The following AFM variants were observed in gnomAD, a reference collection of about 807,000 sequenced individuals.
The protein encoded by AFM is alpha-Alb.
A neutral mutation model predicts 68.7 loss-of-function variants in AFM; 82 were observed. The ratio of observed to expected loss-of-function variants is 1.19; its 90% CI spans 1.00 to 1.43. AFM has a LOEUF of 1.43. AFM is among the 40% of genes most tolerant of loss of function. The pLI is 0.00. For missense variants in AFM, 772 were observed against 701.8 expected, an observed-to-expected ratio of 1.10 and a Z score of -1.13; for synonymous variants, 250 against 234.2, an observed-to-expected ratio of 1.07 and a Z score of -0.61.
chr4:73,489,064 A>T (rs373689939), intron 7 of AFM, among the ~76,000 whole-genome samples: 2 of 152,188 alleles, frequency 1.3e-5, no homozygotes, highest in African/African-American at 4.8e-5. Context: ...TTTCTCTTAC[A>T]TTATAAATCC....
chr4:73,493,420 T>A lies in AFM; in HGVS notation c.1058+1334T>A, dbSNP rs149688046. Among the ~76,000 whole-genome samples, 99 of 152,290 alleles carry A rather than the reference T, an allele frequency of 6.5e-4. 1 individual carries two copies. Among genetic ancestry groups the A allele is most frequent in the Non-Finnish European group, 8.8e-5 (6 of 68,020 alleles). On this transcript the variant is annotated intron_variant, in intron 8 of 14. Transcript: ENST00000226355. ...ATGTTTAAGTATGAGCACATTGACT[T>A]TGAGGTACCAGTAGAATAACTAATT...
chr4:73,486,220 G>A (rs1202733905), intron 4 of AFM, 147 bp downstream of exon 4: 1 of 738,690 alleles, frequency 1.4e-6, no homozygotes, highest in Non-Finnish European at 2.2e-6. Flanking sequence ...GTCAGATACT[G>A]TGCTCAGTGT....
At position 73,486,917 on chromosome 4, in the gene AFM, C is replaced by G. The variant is rs773988445; in HGVS notation, c.483-50C>G. ...CTTCCCTTGTCTACATTCATTGCTT[C>G]CTGTTTCTTCCCTCACCCGTCTTCT... On this transcript the variant is annotated intron_variant, in intron 4 of 14. Coordinates refer to ENST00000226355, the MANE Select transcript of AFM (RefSeq NM_001133.2). 4.5e-6 allele frequency: 7 copies of G among 1,568,092 alleles called. No homozygotes were observed. The African/African-American group carries it at 9.5e-5, about 21-fold the overall frequency.
At position 73,501,817 on chromosome 4, in the gene AFM, T is replaced by C. The variant is rs745682564; in HGVS notation, c.1677T>C (p.His559=). Residue 559 remains histidine, a synonymous_variant, in exon 13 of 15, where the codon CAT becomes CAC. Transcript: ENST00000226355. ...RFLVNLVKLK[H]ELTDEELQSL... ...TTGTCAACTTAGTGAAGCTGAAGCA[T>C]GAACTCACAGATGAAGAGCTGCAGT... The C allele has an allele frequency of 1.2e-5, 19 of 1,613,328 alleles. No homozygotes were observed. The South Asian group carries it at 1.9e-4, about 16-fold the overall frequency.
At chr4:73,492,126 AG>A (rs766235473) in intron 8 of AFM, 40 bp downstream of exon 8, 2 of 1,550,196 alleles carry the variant, frequency 1.3e-6, no homozygotes, top group Non-Finnish European at 1.8e-6. Flanking sequence ...GGAAACAGAA[AG>A]AAACTTATAA....
At chr4:73,498,236 T>C (rs1011783299) in intron 10 of AFM, among the ~76,000 whole-genome samples, 2 of 151,976 alleles carry the variant, frequency 1.3e-5, no homozygotes, top group African/African-American at 2.4e-5. Context: ...TGGGTTTTTT[T>C]CAATTATTAT....
chr4:73,488,982 A>G (rs571237135), intron 7 of AFM, among the ~76,000 whole-genome samples: 2 of 152,296 alleles, frequency 1.3e-5, no homozygotes, highest in South Asian at 2.1e-4. Context: ...TGTATATTAT[A>G]TGGCTAAATG....
rs757262749 is a variant in AFM at position 73,483,999 on chromosome 4, G to A, written c.137+10G>A. The A allele has an allele frequency of 2.5e-5, 37 of 1,509,722 alleles. No individual in the cohort carries two copies. The highest frequency in any genetic ancestry group is 3.3e-5 in the Non-Finnish European group (37 of 1,107,974). 93.5% of individuals were successfully genotyped at this position (1,509,722 alleles called of 1,614,324 possible). A position where few individuals can be genotyped will look rare whatever the true frequency, so the allele number is the denominator to read the frequency against. ...ATAATATTGAATACATGTGAGTTGT[G>A]CTAAATACTTTTTGATGATGATTTT... On this transcript the variant is annotated intron_variant, in intron 2 of 14. Transcript: ENST00000226355.
rs754831290 is a variant in AFM, at chr4:73,486,054, A to C, written c.463A>C (p.Arg155=). ...EEKCQAYESN[R]ESLLNHFLYE... ...GAAATGCCAGGCTTATGAAAGTAACAGAGAATCCCTTTTAAATCAGTAAGT... is the reference window on the plus strand; with the variant it reads ...GAAATGCCAGGCTTATGAAAGTAACCGAGAATCCCTTTTAAATCAGTAAGT... The change falls in exon 4 of 15, where the codon AGA becomes CGA. Residue 155 remains arginine, a synonymous_variant. Coordinates refer to ENST00000226355, the MANE Select transcript of AFM (RefSeq NM_001133.2). 6.2e-7 allele frequency: 1 copy of C among 1,613,826 alleles called. No individual in the cohort carries two copies. Among genetic ancestry groups the C allele is most frequent in the Non-Finnish European group, 8.5e-7 (1 of 1,179,738 alleles).
intron 8 of AFM, among the ~76,000 whole-genome samples, chr4:73,492,514 T>C (rs1045446194): frequency 3.9e-5 from 6 of 152,158 alleles, no homozygotes; most frequent in African/African-American, 1.4e-4. Flanking sequence ...CAGGCTTAAC[T>C]GCTATGCTAT....
intron 6 of AFM, 36 bp from the exon 7 acceptor site, chr4:73,488,594 C>T: frequency 6.3e-7 from 1 of 1,580,866 alleles, no homozygotes; most frequent in South Asian, 1.1e-5. Context: ...ACTTGCTGTT[C>T]AAATTATTTT....
intron 1 of AFM, among the ~76,000 whole-genome samples, chr4:73,483,001 C>A (rs1720757584): frequency 6.6e-6 from 1 of 152,142 alleles, no homozygotes; most frequent in African/African-American, 2.4e-5. Context: ...GGCCCAGGTT[C>A]TTTCTATCCT....
At chr4:73,486,835 T>C in intron 4 of AFM, 132 bp from the exon 5 acceptor site, 1 of 909,458 alleles carries the variant, frequency 1.1e-6, no homozygotes, top group South Asian at 1.8e-5. Flanking sequence ...TTGCTCTTCT[T>C]GTCTCTTTCT....
intron 3 of AFM, among the ~76,000 whole-genome samples, chr4:73,485,204 A>G (rs943414652): frequency 2.6e-5 from 4 of 152,144 alleles, no homozygotes; most frequent in African/African-American, 9.7e-5. Flanking sequence ...TGCATCTCCA[A>G]AAAACTACTA....
chr4:73,491,923 A>G lies in AFM; in HGVS notation c.895A>G (p.Ile299Val). ...CSKQDSISSK[I>V]KECCEKKIPE... The stretch of plus-strand genomic sequence containing the variant: ...AAAACAAGATTCTATCTCCAGCAAA[A>G]TCAAAGAGTGCTGTGAAAAGAAAAT... The change falls in exon 8 of 15, where the codon ATC (isoleucine) becomes GTC (valine). Residue 299 changes from isoleucine to valine, a missense_variant. Physicochemically the swap from Ile to Val is conservative, Grantham distance 29. Transcript: ENST00000226355. 1 of 1,614,028 alleles carries G rather than the reference A, an allele frequency of 6.2e-7. No individual in the cohort carries two copies. The highest frequency in any genetic ancestry group is 8.5e-7 in the Non-Finnish European group (1 of 1,179,964).
intron 9 of AFM, among the ~76,000 whole-genome samples, chr4:73,496,333 G>A (rs1234581576): frequency 6.6e-6 from 1 of 152,114 alleles, no homozygotes; most frequent in African/African-American, 2.4e-5. Flanking sequence ...CCTACTGTGT[G>A]TTTGACATTT....
chr4:73,487,091 C>A lies in AFM; in HGVS notation c.607C>A (p.Gln203Lys). The A allele has an allele frequency of 8.1e-6, 13 of 1,613,870 alleles. No individual in the cohort carries two copies. Among genetic ancestry groups the A allele is most frequent in the Non-Finnish European group, 1.0e-5 (12 of 1,179,850 alleles). The change falls in exon 5 of 15, where the codon CAA becomes AAA. Residue 203 changes from glutamine (Q) to lysine (K), a missense_variant. By Grantham distance (53) the Gln-to-Lys change is moderately conservative. Transcript: ENST00000226355. The stretch of plus-strand genomic sequence containing the variant: ...AGAACAAAACAAAGTCAACTGCCTT[C>A]AAACAAGGGTGGGTATAGCATTTGT... ...CEEQNKVNCL[Q>K]TRAIPVTQYL...
At position 73,481,803 on chromosome 4, in the gene AFM, A is replaced by AT; in HGVS notation, c.35dup (p.Phe14ValfsTer5). The AT allele has an allele frequency of 6.2e-7, 1 of 1,606,412 alleles. No homozygotes were observed. Among genetic ancestry groups the AT allele is most frequent in the Non-Finnish European group, 8.5e-7 (1 of 1,176,220 alleles). On this transcript the variant is annotated frameshift_variant, in exon 1 of 15. Coordinates refer to ENST00000226355, the MANE Select transcript of AFM (RefSeq NM_001133.2). LOFTEE classifies it high-confidence loss of function. ...GAAACTACTAAAACTTACAGGTTTTATTTTTTTCTTGTTTTTTTTGACTGA... is the reference window on the plus strand; with the variant it reads ...GAAACTACTAAAACTTACAGGTTTTATTTTTTTTCTTGTTTTTTTTGACTGA...
Position 73,501,803 on chromosome 4 carries a change from G to C in AFM, c.1663G>C (p.Val555Leu), listed in dbSNP as rs746956754. 78 of 1,612,628 alleles carry C rather than the reference G, an allele frequency of 4.8e-5. No homozygotes were observed. Among genetic ancestry groups the C allele is most frequent in the Non-Finnish European group, 6.4e-5 (76 of 1,179,410 alleles). ...TGGCCACAGGTTTCTTGTCAACTTAGTGAAGCTGAAGCATGAACTCACAGA... is the reference window on the plus strand; with the variant it reads ...TGGCCACAGGTTTCTTGTCAACTTACTGAAGCTGAAGCATGAACTCACAGA... ...RKTDRFLVNL[V>L]KLKHELTDEE... The change falls in exon 13 of 15, where the codon GTG becomes CTG. Residue 555 changes from valine (V) to leucine (L), a missense_variant. Val to Leu is a conservative substitution (Grantham distance 32). Transcript: ENST00000226355.
Sources: allele counts gnomAD v4.1 joint callset (sites outside exome capture counted in the v4.1 genomes callset), GRCh38; gene constraint gnomAD v4.1.1; transcripts MANE v1.5; gene names NCBI Gene and HGNC (gene_info 2026-07-23, HGNC 2026-07-21).